The following SRL variants were observed in gnomAD, a reference collection of about 807,000 sequenced individuals.
The protein encoded by SRL is sarcalumenin.
SRL carries 23 observed loss-of-function variants against 39.5 expected under a neutral mutation model. The ratio of observed to expected loss-of-function variants is 0.58; its 90% confidence interval spans 0.42 to 0.82. SRL has a LOEUF of 0.82. Among genes scored for constraint, SRL ranks in the 40% least tolerant of loss-of-function variants. The probability of loss-of-function intolerance (pLI) is 0.00; values close to 1 mark genes in which losing one functional copy is unlikely to be tolerated. For synonymous variants in SRL, 272 were observed against 237.4 expected (o/e 1.15, Z -1.34); for missense variants, 592 against 607.8 (o/e 0.97, Z 0.27).
intron 1 of SRL, among the ~76,000 whole-genome samples, chr16:4,213,742 C>A (rs1181860486): frequency 6.6e-6 from 1 of 152,192 alleles, no homozygotes; most frequent in East Asian, 1.9e-4. Flanking sequence ...ACGTGCCAGG[C>A]TCTCAGCTGG....
At chr16:4,239,824 G>C (rs2052753263) in intron 1 of SRL, 1 of 152,234 alleles carries the variant, frequency 6.6e-6, no homozygotes, top group African/African-American at 2.4e-5. Context: ...TCATTGCTAG[G>C]GGCGTTTCCC....
At chr16:4,212,386 G>A (rs1355410355) in intron 1 of SRL, among the ~76,000 whole-genome samples, 4 of 152,286 alleles carry the variant, frequency 2.6e-5, no homozygotes, top group South Asian at 2.1e-4. Context: ...TCTTGGAGGC[G>A]CAGACAGAGG....
At chr16:4,214,159 A>G (rs11645772) in intron 1 of SRL, among the ~76,000 whole-genome samples, 1 of 152,156 alleles carries the variant, frequency 6.6e-6, no homozygotes, top group African/African-American at 2.4e-5. Flanking sequence ...AGATGGAGAG[A>G]ATAGAGGTCA....
chr16:4,213,640 GCCTCAAGCGAT>G (rs1597282250), intron 1 of SRL, among the ~76,000 whole-genome samples: 2 of 151,586 alleles, frequency 1.3e-5, no homozygotes, highest in East Asian at 3.9e-4. Context: ...CAAACTCCTG[GCCTCAAGCGAT>G]CCTCCCACCT....
At chr16:4,197,177 C>T (rs1377216191) in intron 4 of SRL, among the ~76,000 whole-genome samples, 1 of 140,232 alleles carries the variant, frequency 7.1e-6, no homozygotes, top group African/African-American at 2.7e-5. Flanking sequence ...CAAGCAATTC[C>T]GCTGCCTCAG....
intron 1 of SRL, among the ~76,000 whole-genome samples, chr16:4,237,492 C>G (rs755154893): frequency 6.6e-6 from 1 of 152,200 alleles, no homozygotes; most frequent in Non-Finnish European, 1.5e-5. Context: ...CAGTCTCCCC[C>G]TCCCTACTCT....
chr16:4,193,415 T>TA, intron 5 of SRL, among the ~76,000 whole-genome samples: 1 of 152,196 alleles, frequency 6.6e-6, no homozygotes, highest in Non-Finnish European at 1.5e-5. Flanking sequence ...TCCTATTGTC[T>TA]AAAAGGATCT....
intron 1 of SRL, among the ~76,000 whole-genome samples, chr16:4,227,790 C>T (rs566411483): frequency 1.3e-5 from 2 of 152,312 alleles, no homozygotes; most frequent in Non-Finnish European, 2.9e-5. Flanking sequence ...AGAGGAGCTG[C>T]TTTCCACACC....
chr16:4,240,726 A>G (rs2052764172), intron 1 of SRL, among the ~76,000 whole-genome samples: 1 of 152,150 alleles, frequency 6.6e-6, no homozygotes, highest in Non-Finnish European at 1.5e-5. Flanking sequence ...AGTGTGTAGC[A>G]GCCCAGCAGC....
chr16:4,206,675 G>A (rs2052322510), intron 1 of SRL: 2 of 456,766 alleles, frequency 4.4e-6, no homozygotes, highest in Non-Finnish European at 8.8e-6. Context: ...GACTTCCAGG[G>A]AGAATGCAGC....
chr16:4,211,315 G>A (rs371346260), intron 1 of SRL, among the ~76,000 whole-genome samples: 2 of 152,334 alleles, frequency 1.3e-5, no homozygotes, highest in Non-Finnish European at 2.9e-5. Context: ...CCCACGTTGG[G>A]GGGGGTCTCC....
chr16:4,206,497 G>A (rs2052320265), intron 1 of SRL, among the ~76,000 whole-genome samples: 1 of 152,120 alleles, frequency 6.6e-6, no homozygotes, highest in Non-Finnish European at 1.5e-5. Flanking sequence ...GAGGTTCTGG[G>A]GCCCCTGACT....
Position 4,197,892 on chromosome 16 carries a change from T to C in SRL, c.283A>G (p.Met95Val), listed in dbSNP as rs201748694. 9.9e-6 allele frequency: 16 copies of C among 1,613,710 alleles called. No individual in the cohort carries two copies. The highest frequency in any genetic ancestry group is 2.7e-5 in the African/African-American group (2 of 74,910). The change falls in exon 4 of 6, where the codon ATG (methionine) becomes GTG (valine). Residue 95 changes from methionine (M) to valine (V), a missense_variant. Physicochemically the swap from Met to Val is conservative, Grantham distance 21. Coordinates refer to ENST00000399609, the MANE Select transcript of SRL (RefSeq NM_001098814.2). ...CTCCACGGTCCCAGGAACAGTACCATGGGCTTGGAGGTAATCTCTCCATCT... is the reference window on the plus strand; with the variant it reads ...CTCCACGGTCCCAGGAACAGTACCACGGGCTTGGAGGTAATCTCTCCATCT... ...ITDGEITSKP[M>V]VLFLGPWSVG...
At chr16:4,203,727 C>T (rs1481646045) in intron 2 of SRL, among the ~76,000 whole-genome samples, 2 of 152,132 alleles carry the variant, frequency 1.3e-5, no homozygotes, top group East Asian at 3.8e-4. Flanking sequence ...CCTTCCTCAC[C>T]TCAGTAGTGT....
At chr16:4,232,534 A>G (rs1442553947) in intron 1 of SRL, among the ~76,000 whole-genome samples, 1 of 151,456 alleles carries the variant, frequency 6.6e-6, no homozygotes, top group African/African-American at 2.4e-5. Context: ...TTTTTTCAAC[A>G]GAGTCTTGCT....
intron 3 of SRL, among the ~76,000 whole-genome samples, chr16:4,202,401 G>A (rs1248150247): frequency 6.6e-6 from 1 of 152,114 alleles, no homozygotes; most frequent in Non-Finnish European, 1.5e-5. Flanking sequence ...AGACCATCCT[G>A]GCTAACATGG....
chr16:4,210,436 C>T (rs1461062320), intron 1 of SRL, among the ~76,000 whole-genome samples: 4 of 148,442 alleles, frequency 2.7e-5, no homozygotes, highest in African/African-American at 1.0e-4. Context: ...CTTCATCATA[C>T]TGAATTTTCT....
chr16:4,202,681 T>A (rs1242400076), intron 3 of SRL, among the ~76,000 whole-genome samples: 1 of 152,068 alleles, frequency 6.6e-6, no homozygotes, highest in Non-Finnish European at 1.5e-5. Flanking sequence ...AACAAGTGTG[T>A]CTTATTTTTA....
chr16:4,240,675 G>A (rs2052763649), intron 1 of SRL, among the ~76,000 whole-genome samples: 1 of 152,134 alleles, frequency 6.6e-6, no homozygotes, highest in Non-Finnish European at 1.5e-5. Flanking sequence ...TGGGAGGAAA[G>A]ATAAAGGATG....
Sources: gnomAD v4.1 joint callset for allele counts (sites outside exome capture counted in the v4.1 genomes callset) on GRCh38, gnomAD v4.1.1 for gene constraint, MANE v1.5 for transcripts, NCBI Gene and HGNC (gene_info 2026-07-23, HGNC 2026-07-21) for gene names.